The following SMAP2 variants were observed in gnomAD, a reference collection of about 807,000 sequenced individuals.
The protein encoded by SMAP2 is small ArfGAP2, also known as stromal membrane-associated protein 2.
In SMAP2, 25 loss-of-function variants were observed where a neutral mutation model predicts 56.4. The observed-to-expected ratio is 0.44, with a 90% CI of 0.32 to 0.62. The LOEUF (loss-of-function observed/expected upper bound fraction) is 0.62. Among genes scored for constraint, SMAP2 ranks in the 20% least tolerant of loss-of-function variants. The pLI, the probability that SMAP2 is intolerant of heterozygous loss-of-function variation, is 0.04. For synonymous variants in SMAP2, 157 were observed against 181.7 expected (o/e 0.86, Z 1.09); for missense variants, 388 against 545.6 (o/e 0.71, Z 2.88).
chr1:40,378,188 G>A (rs1569845090), intron 1 of SMAP2, among the ~76,000 whole-genome samples: 1 of 152,112 alleles, frequency 6.6e-6, no homozygotes, highest in South Asian at 2.1e-4. Context: ...GCAGTGGTGC[G>A]ATTATAGCTC....
At chr1:40,400,598 A>G (rs1644823055) in intron 1 of SMAP2, among the ~76,000 whole-genome samples, 1 of 152,228 alleles carries the variant, frequency 6.6e-6, no homozygotes, top group African/African-American at 2.4e-5. Flanking sequence ...TTCATGATGC[A>G]TAATTTTCTG....
rs576328031 is a variant in SMAP2 at position 40,422,220 on chromosome 1, A to G, written c.*119A>G. The G allele has an allele frequency of 2.9e-6, 4 of 1,403,150 alleles. No individual in the cohort carries two copies. The highest frequency in any genetic ancestry group is 1.4e-5 in the African/African-American group (1 of 70,158). The allele number at this position is 1,403,150 out of a possible 1,614,324, so 86.9% of individuals were successfully genotyped here. A position where few individuals can be genotyped will look rare whatever the true frequency, so the allele number is the denominator to read the frequency against. ...CTCTGTTTGGTTTAGAAATTGCTCAATAAGTCATTTGGGGTTTGGCATCCT... is the reference window on the plus strand; with the variant it reads ...CTCTGTTTGGTTTAGAAATTGCTCAGTAAGTCATTTGGGGTTTGGCATCCT... On this transcript the variant is annotated 3_prime_UTR_variant, in exon 10 of 10. Coordinates refer to ENST00000372718, the MANE Select transcript of SMAP2 (RefSeq NM_022733.3).
chr1:40,354,100 A>T (rs747459158), intron 1 of SMAP2, among the ~76,000 whole-genome samples: 9 of 152,098 alleles, frequency 5.9e-5, no homozygotes, highest in African/African-American at 1.2e-4. Flanking sequence ...CAGTGATAAA[A>T]TAAACCACTC....
At chr1:40,361,579 T>C (rs1201584511) in intron 1 of SMAP2, among the ~76,000 whole-genome samples, 2 of 152,150 alleles carry the variant, frequency 1.3e-5, no homozygotes, top group African/African-American at 4.8e-5. Flanking sequence ...GGACCTTCCC[T>C]GGGCCAGAGG....
At chr1:40,415,613 G>A (rs149921904) in intron 7 of SMAP2, among the ~76,000 whole-genome samples, 209 of 152,276 alleles carry the variant, frequency 1.4e-3, no homozygotes, top group African/African-American at 4.8e-3. Flanking sequence ...TCTGGAAAGT[G>A]TGTGATACTG....
In SMAP2 at chr1:40,374,605, G is replaced by GTA; in HGVS notation, c.103+383_103+384insAT. On this transcript the variant is annotated intron_variant, in intron 1 of 9. Transcript: ENST00000372718. The surrounding 1 kb of genome is among the most constrained non-coding windows in gnomAD (Gnocchi z 5.9). Reference sequence around the variant, plus strand: ...CGTGCGTGCGTGCGTGCGTGTGTGTGTGTGTGTGTGTGTGTGTGTGAGAGA... The same window carrying GTA: ...CGTGCGTGCGTGCGTGCGTGTGTGTGTATGTGTGTGTGTGTGTGTGTGAGAGA... The GTA allele has an allele frequency of 1.5e-6, 2 of 1,364,248 alleles. No homozygotes were observed. Among genetic ancestry groups the GTA allele is most frequent in the African/African-American group, 1.6e-5 (1 of 61,568 alleles). 84.5% of individuals were successfully genotyped at this position (1,364,248 alleles called of 1,614,324 possible).
chr1:40,420,456 T>G (rs966496334), intron 9 of SMAP2, among the ~76,000 whole-genome samples: 3 of 151,978 alleles, frequency 2.0e-5, no homozygotes, highest in African/African-American at 7.3e-5. Flanking sequence ...AAACCATGAG[T>G]CCACGGTGAT....
intron 1 of SMAP2, among the ~76,000 whole-genome samples, chr1:40,352,156 A>G (rs1284359793): frequency 1.3e-5 from 2 of 152,168 alleles, no homozygotes; most frequent in Non-Finnish European, 2.9e-5. Context: ...ATTATAAATA[A>G]TGTTTAAAAT....
intron 1 of SMAP2, among the ~76,000 whole-genome samples, chr1:40,405,105 A>G (rs1381171306): frequency 2.1e-5 from 2 of 95,820 alleles, no homozygotes; most frequent in Middle Eastern, 6.9e-3. Context: ...AAAAAATTAC[A>G]TTCTTATTTG....
chr1:40,387,395 G>C (rs1233197145), intron 1 of SMAP2, among the ~76,000 whole-genome samples: 1 of 152,180 alleles, frequency 6.6e-6, no homozygotes, highest in Non-Finnish European at 1.5e-5. Context: ...TGTTGTTAGA[G>C]TGATGGGTTA....
upstream of SMAP2, among the ~76,000 whole-genome samples, chr1:40,371,096 C>G (rs1030172858): frequency 6.6e-6 from 1 of 152,010 alleles, no homozygotes; most frequent in African/African-American, 2.4e-5. Context: ...TTGCTTGAAC[C>G]TGGGAGGCGG....
intron 1 of SMAP2, among the ~76,000 whole-genome samples, chr1:40,353,162 A>G (rs1644417410): frequency 6.6e-6 from 1 of 152,194 alleles, no homozygotes; most frequent in Non-Finnish European, 1.5e-5. Context: ...AAGGAGTCTT[A>G]AGGGAAAGAC....
At position 40,386,487 on chromosome 1, in the gene SMAP2, G is replaced by T. The variant is rs1199108139; in HGVS notation, c.103+12264G>T. Among the ~76,000 whole-genome samples, 1 of 152,164 alleles carries T rather than the reference G, an allele frequency of 6.6e-6. No individual in the cohort carries two copies. The highest frequency in any genetic ancestry group is 2.4e-5 in the African/African-American group (1 of 41,430). ...TTGGAATCAGGAAGACTCCGGCTTGGCTCCCTGAGCATTCTAACTTGTTCT... is the reference window on the plus strand; with the variant it reads ...TTGGAATCAGGAAGACTCCGGCTTGTCTCCCTGAGCATTCTAACTTGTTCT... On this transcript the variant is annotated intron_variant, in intron 1 of 9. Coordinates refer to ENST00000372718, the MANE Select transcript of SMAP2 (RefSeq NM_022733.3). This position sits in a 1 kb window ranked among gnomAD's most constrained non-coding sequence, Gnocchi z 4.1.
chr1:40,409,626 AG>A (rs1644916247), intron 3 of SMAP2, 130 bp from the exon 4 acceptor site: 2 of 626,920 alleles, frequency 3.2e-6, no homozygotes, highest in Admixed American at 2.9e-5. Flanking sequence ...GCATATGAAG[AG>A]GCAGGAGCCA....
intron 1 of SMAP2, among the ~76,000 whole-genome samples, chr1:40,388,774 C>G (rs904842959): frequency 2.0e-5 from 3 of 152,198 alleles, no homozygotes; most frequent in African/African-American, 4.8e-5. Context: ...AGTGTGGAAA[C>G]TTTGTTCTTT....
chr1:40,347,228 TTGTG>T (rs199511902), intron 1 of SMAP2, among the ~76,000 whole-genome samples: 1 of 106,868 alleles, frequency 9.4e-6, no homozygotes, highest in Non-Finnish European at 1.9e-5. Flanking sequence ...GTGTGTGTGT[TTGTG>T]TGTGTGTGTT....
At chr1:40,346,067 C>T (rs1644385046) in intron 1 of SMAP2, among the ~76,000 whole-genome samples, 1 of 144,106 alleles carries the variant, frequency 6.9e-6, no homozygotes, top group Admixed American at 7.3e-5. Flanking sequence ...CCACCTAGGC[C>T]TTCCAAAGTG....
chr1:40,356,453 T>C (rs1304418607), intron 1 of SMAP2, among the ~76,000 whole-genome samples: 3 of 149,188 alleles, frequency 2.0e-5, no homozygotes, highest in South Asian at 2.2e-4. Context: ...CTCTGTCGCC[T>C]AGGCTGGAGT....
intron 5 of SMAP2, 42 bp downstream of exon 5, chr1:40,413,144 A>T (rs1461318073): frequency 6.8e-7 from 1 of 1,470,708 alleles, no homozygotes; most frequent in Non-Finnish European, 9.5e-7. Flanking sequence ...AGCCTCAGGT[A>T]TGTGTATATT....
Sources: allele counts gnomAD v4.1 joint callset (sites outside exome capture counted in the v4.1 genomes callset), GRCh38; gene constraint gnomAD v4.1.1; non-coding constraint Gnocchi (gnomAD v3.1); transcripts MANE v1.5; gene names NCBI Gene and HGNC (gene_info 2026-07-23, HGNC 2026-07-21).